The following EPB41 variants were observed in gnomAD, a reference collection of about 807,000 sequenced individuals.
EPB41 encodes protein 4.1.
A neutral mutation model predicts 108.0 loss-of-function variants in EPB41; 65 were observed. That is an observed-to-expected ratio of 0.60 (90% confidence interval 0.49 to 0.74). The LOEUF (loss-of-function observed/expected upper bound fraction) is 0.74, where lower values mean the gene tolerates loss of function less well. Ranked by LOEUF, EPB41 falls within the 30% of genes least tolerant of loss-of-function variation. EPB41 has a pLI of 0.00. For missense variants in EPB41, 875 were observed against 1,037.0 expected (o/e 0.84, Z 2.15); for synonymous variants, 336 against 358.9 (o/e 0.94, Z 0.72).
At chr1:28,933,062 T>C (rs1296725947) in intron 1 of EPB41, among the ~76,000 whole-genome samples, 6 of 152,220 alleles carry the variant, frequency 3.9e-5, no homozygotes, top group Non-Finnish European at 8.8e-5. Flanking sequence ...ATTTAGTTTG[T>C]ATATTTAATT....
chr1:29,036,492 C>G (rs1486400189), intron 10 of EPB41, among the ~76,000 whole-genome samples: 1 of 152,014 alleles, frequency 6.6e-6, no homozygotes, highest in African/African-American at 2.4e-5. Flanking sequence ...AACTCCTGAC[C>G]TCAGGTGATC....
intron 16 of EPB41, chr1:29,070,605 T>C (rs1269920603): frequency 8.1e-7 from 1 of 1,232,036 alleles, no homozygotes. Context: ...TGGTGGTTGG[T>C]CTTTCTGTGA....
At chr1:29,098,015 T>C in intron 17 of EPB41, 80 bp downstream of exon 17, 1 of 1,593,212 alleles carries the variant, frequency 6.3e-7, no homozygotes, top group Non-Finnish European at 8.6e-7. Context: ...TCTAGTCATT[T>C]ATCGCCAAGA....
chr1:28,972,445 A>G (rs1371688890), intron 1 of EPB41, among the ~76,000 whole-genome samples: 1 of 152,172 alleles, frequency 6.6e-6, no homozygotes, highest in African/African-American at 2.4e-5. Context: ...TCATCTTCTT[A>G]GAAGAAGATG....
chr1:28,922,682 C>T (rs2093183623), intron 1 of EPB41, among the ~76,000 whole-genome samples: 1 of 148,822 alleles, frequency 6.7e-6, no homozygotes. Flanking sequence ...GGCTGTAGTG[C>T]AGTGGCGCGA....
chr1:29,114,481 A>G (rs1243070162), intron 19 of EPB41, among the ~76,000 whole-genome samples: 1 of 152,052 alleles, frequency 6.6e-6, no homozygotes, highest in Non-Finnish European at 1.5e-5. Context: ...TGTCTCTACT[A>G]AAAATACAAA....
intron 1 of EPB41, among the ~76,000 whole-genome samples, chr1:28,930,829 T>C (rs890707743): frequency 6.6e-6 from 1 of 152,184 alleles, no homozygotes; most frequent in Non-Finnish European, 1.5e-5. Flanking sequence ...TGGCTGAATA[T>C]GCTTTTAAGA....
In EPB41 at chr1:29,070,574, G is replaced by A. The variant is rs1042252039; in HGVS notation, c.2184+5416G>A. On this transcript the variant is annotated intron_variant, in intron 16 of 20. Coordinates refer to ENST00000343067, the MANE Select transcript of EPB41 (RefSeq NM_001376013.1). ...TATTCCTTTCATGATGTCTTTTCTCGTGATCCTTGTGTTGGCTGTTTGGTG... is the reference window on the plus strand; with the variant it reads ...TATTCCTTTCATGATGTCTTTTCTCATGATCCTTGTGTTGGCTGTTTGGTG... 43 of 1,231,846 alleles carry A rather than the reference G, an allele frequency of 3.5e-5. No individual in the cohort carries two copies. In the Admixed American group the frequency reaches 3.8e-4, roughly 11 times the overall value. The allele number at this position is 1,231,846 out of a possible 1,614,324, so 76.3% of individuals were successfully genotyped here.
chr1:28,941,295 G>A (rs535946833), intron 1 of EPB41, among the ~76,000 whole-genome samples: 6 of 151,918 alleles, frequency 3.9e-5, no homozygotes, highest in South Asian at 4.2e-4. Flanking sequence ...TGGGAAGATC[G>A]CCTGAGACTG....
At chr1:28,971,092 C>T (rs970947554) in intron 1 of EPB41, among the ~76,000 whole-genome samples, 4 of 151,970 alleles carry the variant, frequency 2.6e-5, no homozygotes, top group South Asian at 2.1e-4. Context: ...ATGTGATCTG[C>T]CTGCCTTGGC....
intron 15 of EPB41, among the ~76,000 whole-genome samples, chr1:29,064,693 A>G (rs1429134020): frequency 1.3e-5 from 2 of 152,200 alleles, no homozygotes; most frequent in East Asian, 3.8e-4. Context: ...CTGTGTCATA[A>G]TGGGAAGAAG....
intron 17 of EPB41, among the ~76,000 whole-genome samples, chr1:29,099,531 T>G (rs542528847): frequency 3.3e-5 from 5 of 152,254 alleles, no homozygotes; most frequent in Admixed American, 2.6e-4. Context: ...TTGCCCTGGC[T>G]GATCTCAAAT....
intron 12 of EPB41, among the ~76,000 whole-genome samples, chr1:29,058,372 A>G (rs1645917010): frequency 6.6e-6 from 1 of 152,198 alleles, no homozygotes; most frequent in African/African-American, 2.4e-5. Flanking sequence ...TTGGATATCC[A>G]TATTACCTTT....
chr1:29,026,427 C>G (rs2150195614), intron 7 of EPB41, among the ~76,000 whole-genome samples: 1 of 152,244 alleles, frequency 6.6e-6, no homozygotes, highest in Non-Finnish European at 1.5e-5. Context: ...TACACAGATA[C>G]ATACTCTAAC....
intron 1 of EPB41, among the ~76,000 whole-genome samples, chr1:28,941,894 CAA>C (rs58524634): frequency 1.7e-4 from 11 of 64,866 alleles, no homozygotes; most frequent in African/African-American, 4.2e-4. Context: ...AGCTCTGTCT[CAA>C]AAAAAAAAAA....
At chr1:29,076,522 G>A (rs1654137496) in intron 16 of EPB41, among the ~76,000 whole-genome samples, 1 of 152,158 alleles carries the variant, frequency 6.6e-6, no homozygotes, top group South Asian at 2.1e-4. Flanking sequence ...TGCATTCTAA[G>A]TTTGCTTTCC....
intron 1 of EPB41, among the ~76,000 whole-genome samples, chr1:28,949,779 T>C (rs2094634440): frequency 6.6e-6 from 1 of 152,032 alleles, no homozygotes; most frequent in South Asian, 2.1e-4. Flanking sequence ...AATTTTTGTA[T>C]TTTTAGTAGA....
chr1:29,075,704 A>G (rs1382195249), intron 16 of EPB41, among the ~76,000 whole-genome samples: 1 of 152,200 alleles, frequency 6.6e-6, no homozygotes, highest in East Asian at 1.9e-4. Flanking sequence ...ATAAGATCCT[A>G]TCTCAATAAA....
At chr1:28,928,003 T>C (rs1243198101) in intron 1 of EPB41, among the ~76,000 whole-genome samples, 1 of 152,122 alleles carries the variant, frequency 6.6e-6, no homozygotes, top group African/African-American at 2.4e-5. Flanking sequence ...TTTAATTTTC[T>C]GCCCCAGAGG....
Sources: gnomAD v4.1 joint callset for allele counts (sites outside exome capture counted in the v4.1 genomes callset) on GRCh38, gnomAD v4.1.1 for gene constraint, MANE v1.5 for transcripts, NCBI Gene and HGNC (gene_info 2026-07-23, HGNC 2026-07-21) for gene names.